Variants in KDM4C observed in about 807,000 individuals in gnomAD.
KDM4C encodes the protein lysine demethylase 4C, also known as lysine-specific demethylase 4C.
A neutral mutation model predicts 129.3 loss-of-function variants in KDM4C; 81 were observed. That is an observed-to-expected ratio of 0.63 (90% CI 0.52 to 0.75). KDM4C has a LOEUF of 0.75. Among genes scored for constraint, KDM4C ranks in the 30% least tolerant of loss-of-function variants. KDM4C has a pLI of 0.00. For synonymous variants in KDM4C, 573 were observed against 456.1 expected, an observed-to-expected ratio of 1.26 and a Z score of -3.26; for missense variants, 1,457 against 1,304.0, an observed-to-expected ratio of 1.12 and a Z score of -1.81.
intron 15 of KDM4C, among the ~76,000 whole-genome samples, chr9:7,022,868 C>G (rs750946895): frequency 1.1e-4 from 17 of 152,000 alleles, no homozygotes; most frequent in African/African-American, 3.9e-4. Flanking sequence ...GGATGTTGGA[C>G]TTTATCAAAT....
intron 2 of KDM4C, among the ~76,000 whole-genome samples, chr9:6,795,908 G>C (rs2130908086): frequency 6.6e-6 from 1 of 152,104 alleles, no homozygotes; most frequent in East Asian, 1.9e-4. Context: ...CAGGACTCAA[G>C]TGGTCTGCCC....
At chr9:6,970,488 A>G (rs956123804) in intron 8 of KDM4C, among the ~76,000 whole-genome samples, 2 of 152,232 alleles carry the variant, frequency 1.3e-5, no homozygotes, top group Non-Finnish European at 2.9e-5. Flanking sequence ...ATGTAATTTA[A>G]TATTTGATTA....
intron 19 of KDM4C, among the ~76,000 whole-genome samples, chr9:7,155,359 AT>A (rs914506601): frequency 6.2e-4 from 94 of 151,490 alleles, no homozygotes; most frequent in South Asian, 1.9e-3. Flanking sequence ...TTTATTTATT[AT>A]TTTTTTTTAA....
At chr9:6,807,173 G>A (rs1830148045) in intron 3 of KDM4C, among the ~76,000 whole-genome samples, 1 of 152,186 alleles carries the variant, frequency 6.6e-6, no homozygotes, top group African/African-American at 2.4e-5. Context: ...TGCAGACGGA[G>A]TCTCGTTCAC....
intron 17 of KDM4C, among the ~76,000 whole-genome samples, chr9:7,086,216 T>A (rs1245430372): frequency 6.6e-6 from 1 of 152,200 alleles, no homozygotes; most frequent in African/African-American, 2.4e-5. Flanking sequence ...CAAACAGGAA[T>A]TTTTTAATAT....
chr9:7,170,991 C>T (rs940351966), intron 21 of KDM4C: 2 of 164,494 alleles, frequency 1.2e-5, no homozygotes, highest in East Asian at 1.9e-4. Context: ...TGTTTGGCCG[C>T]GTTAAAGCCA....
intron 19 of KDM4C, among the ~76,000 whole-genome samples, chr9:7,156,651 T>C (rs10976073): frequency 0.18 from 27,127 of 152,186 alleles, 2,643 homozygotes; most frequent in Middle Eastern, 0.33. Context: ...TTGTCAAAGA[T>C]CAGATGGTTT....
At chr9:7,139,088 A>T (rs528178518) in intron 19 of KDM4C, among the ~76,000 whole-genome samples, 1 of 152,054 alleles carries the variant, frequency 6.6e-6, no homozygotes, top group Non-Finnish European at 1.5e-5. Context: ...CCTGGGCAAC[A>T]TGGCAAAAAC....
chr9:6,779,209 T>C (rs2130739523), intron 1 of KDM4C, among the ~76,000 whole-genome samples: 1 of 151,222 alleles, frequency 6.6e-6, no homozygotes, highest in East Asian at 1.9e-4. Flanking sequence ...TTTGTATTTT[T>C]AGTAGAGATG....
At chr9:7,042,155 G>A (rs1280389945) in intron 15 of KDM4C, among the ~76,000 whole-genome samples, 1 of 152,008 alleles carries the variant, frequency 6.6e-6, no homozygotes, top group Admixed American at 6.6e-5. Flanking sequence ...TTAATTTAGG[G>A]AAGTACTAAT....
chr9:6,959,519 C>T (rs1354459358), intron 8 of KDM4C, among the ~76,000 whole-genome samples: 1 of 152,194 alleles, frequency 6.6e-6, no homozygotes, highest in Admixed American at 6.5e-5. Flanking sequence ...ACAGAAGCTA[C>T]ATATTTACTC....
At chr9:6,937,120 T>C (rs966401474) in intron 8 of KDM4C, among the ~76,000 whole-genome samples, 1 of 152,168 alleles carries the variant, frequency 6.6e-6, no homozygotes, top group African/African-American at 2.4e-5. Context: ...ACTAAAACAA[T>C]TTATAGATGA....
intron 19 of KDM4C, among the ~76,000 whole-genome samples, chr9:7,131,342 A>G (rs1840612850): frequency 6.6e-6 from 1 of 152,132 alleles, no homozygotes; most frequent in South Asian, 2.1e-4. Flanking sequence ...TCAGCTCACT[A>G]TTGCTGACTC....
intron 12 of KDM4C, among the ~76,000 whole-genome samples, chr9:6,995,890 C>G (rs138973524): frequency 0.02 from 2,614 of 134,030 alleles, 77 homozygotes; most frequent in African/African-American, 0.065. Flanking sequence ...CCAGGATGGT[C>G]TCGATCTGAC....
At chr9:6,746,773 C>G (rs1357248944) in intron 1 of KDM4C, among the ~76,000 whole-genome samples, 1 of 149,082 alleles carries the variant, frequency 6.7e-6, no homozygotes, top group Non-Finnish European at 1.5e-5. Context: ...CTTTGGGAGG[C>G]GGAGGTGGGT....
At chr9:7,054,611 T>G (rs1160209127) in intron 17 of KDM4C, among the ~76,000 whole-genome samples, 1 of 152,210 alleles carries the variant, frequency 6.6e-6, no homozygotes, top group South Asian at 2.1e-4. Context: ...GATTTGATTA[T>G]AAAATTTAAG....
At chr9:6,950,969 T>C (rs1420302301) in intron 8 of KDM4C, among the ~76,000 whole-genome samples, 1 of 152,214 alleles carries the variant, frequency 6.6e-6, no homozygotes, top group Non-Finnish European at 1.5e-5. Flanking sequence ...TTTACAGTAC[T>C]TATTCTTTGC....
chr9:6,803,947 C>T (rs532588060), intron 2 of KDM4C, among the ~76,000 whole-genome samples: 2 of 152,106 alleles, frequency 1.3e-5, no homozygotes, highest in South Asian at 2.1e-4. Context: ...CTCAGCCTCT[C>T]GAGTACCTGG....
At chr9:7,137,194 C>T (rs1841302092) in intron 19 of KDM4C, among the ~76,000 whole-genome samples, 1 of 152,124 alleles carries the variant, frequency 6.6e-6, no homozygotes, top group Non-Finnish European at 1.5e-5. Flanking sequence ...CCTGCTGGTC[C>T]CCTGTGCCAG....
Sources: gnomAD v4.1 joint callset for allele counts (sites outside exome capture counted in the v4.1 genomes callset) on GRCh38, gnomAD v4.1.1 for gene constraint, MANE v1.5 for transcripts, NCBI Gene and HGNC (gene_info 2026-07-23, HGNC 2026-07-21) for gene names.